SLC52A1: variants seen among roughly 807,000 people sequenced by gnomAD.
SLC52A1 encodes solute carrier family 52 member 1.
A neutral mutation model predicts 23.2 loss-of-function variants in SLC52A1; 20 were observed. The observed-to-expected ratio is 0.86, with a 90% CI of 0.61 to 1.25. The LOEUF is 1.25. Ranked by LOEUF, SLC52A1 falls within the 50% of genes most tolerant of loss-of-function variation. The probability of loss-of-function intolerance (pLI) is 0.00; values close to 1 mark genes in which losing one functional copy is unlikely to be tolerated. For synonymous variants in SLC52A1, 260 were observed against 256.6 expected, an observed-to-expected ratio of 1.01 and a Z score of -0.13; for missense variants, 528 against 557.0, an observed-to-expected ratio of 0.95 and a Z score of 0.52.
chr17:5,039,438 T>C (rs1975519166), upstream of SLC52A1, among the ~76,000 whole-genome samples: 1 of 152,030 alleles, frequency 6.6e-6, no homozygotes, highest in Admixed American at 6.6e-5. Flanking sequence ...ACGTAGGTGA[T>C]CACCTCACCC....
At chr17:5,036,040 C>T (rs1975447892), upstream of SLC52A1, among the ~76,000 whole-genome samples, 2 of 69,792 alleles carry the variant, frequency 2.9e-5, no homozygotes, top group Non-Finnish European at 5.3e-5. Flanking sequence ...TGTTTTTACA[C>T]TTTTTTTTTT....
At chr17:5,035,873 ATTTTTTTTTT>A (rs71149503), upstream of SLC52A1, among the ~76,000 whole-genome samples, 14 of 45,316 alleles carry the variant, frequency 3.1e-4, no homozygotes, top group East Asian at 2.1e-3. Flanking sequence ...TGTCCAGCTA[ATTTTTTTTTT>A]TTTTTTTTTT....
In SLC52A1 at chr17:5,033,128, C is replaced by T; in HGVS notation, c.1176G>A (p.Val392=). 5 of 1,613,882 alleles carry T rather than the reference C, an allele frequency of 3.1e-6. No homozygotes were observed. The highest frequency in any genetic ancestry group is 3.4e-6 in the Non-Finnish European group (4 of 1,180,026). ...GCAGCAGGGAGCTTGCAGCCACCTT[C>T]ACATATGAGAACACACACAGACACA... ...WVLCLCVFSY[V]KVAASSLLHG... is the part of the protein sequence containing the mutation. Residue 392 remains valine, a synonymous_variant, in exon 5 of 5, where the codon GTG becomes GTA. Transcript: ENST00000254853.
chr17:5,040,489 G>A (rs75224297), intron 1 of SLC52A1, among the ~76,000 whole-genome samples: 3,210 of 152,186 alleles, frequency 0.021, 108 homozygotes, highest in African/African-American at 0.069. Flanking sequence ...TTGTTCTTGC[G>A]TGGGGTGAGA....
chr17:5,033,912 C>T lies in SLC52A1; in HGVS notation c.577G>A (p.Ala193Thr). The T allele has an allele frequency of 1.9e-6, 3 of 1,614,194 alleles. No individual in the cohort carries two copies. The highest frequency in any genetic ancestry group is 4.5e-5 in the East Asian group (2 of 44,886). Residue 193 changes from alanine (A) to threonine (T), a missense_variant, in exon 3 of 5, where the codon GCC (alanine) becomes ACC (threonine). Coordinates refer to ENST00000254853, the MANE Select transcript of SLC52A1 (RefSeq NM_017986.4). The part of the protein sequence containing the change: ...PPLDFPERFP[A>T]STFFWALTAL... ...GTCAGTGCCCAGAAGAAGGTGCTGG[C>T]AGGAAAACGCTCAGGGAAGTCGAGG...
chr17:5,036,596 G>C (rs1975466350), upstream of SLC52A1, among the ~76,000 whole-genome samples: 1 of 150,422 alleles, frequency 6.6e-6, no homozygotes, highest in South Asian at 2.1e-4. Context: ...ATTTTTCGTA[G>C]AGATGGGGTT....
chr17:5,032,880 G>T lies in SLC52A1; in HGVS notation c.*77C>A. 2 of 1,367,784 alleles carry T rather than the reference G, an allele frequency of 1.5e-6. No individual in the cohort carries two copies. Among genetic ancestry groups the T allele is most frequent in the Non-Finnish European group, 2.0e-6 (2 of 976,796 alleles). The allele number at this position is 1,367,784 out of a possible 1,614,324, so 84.7% of individuals were successfully genotyped here. On this transcript the variant is annotated 3_prime_UTR_variant, in exon 5 of 5. Coordinates refer to ENST00000254853, the MANE Select transcript of SLC52A1 (RefSeq NM_017986.4). ...CCTGTGTTGGGGGAAGCCTGCCTGG[G>T]CCACAAGTAGTCAGGCACTGTGGCA... is the stretch of plus-strand genomic sequence containing the variant.
upstream of SLC52A1, among the ~76,000 whole-genome samples, chr17:5,037,245 C>G (rs577946159): frequency 6.6e-6 from 1 of 152,152 alleles, no homozygotes; most frequent in Non-Finnish European, 1.5e-5. Flanking sequence ...GTAGGCCAGG[C>G]GTGGTGGCTC....
Position 5,033,506 on chromosome 17 carries a change from C to T in SLC52A1, c.983G>A (p.Cys328Tyr), listed in dbSNP as rs772013660. ...GCACAGCACGCCCATGGCCAGGAAG[C>T]AGGCAAGGGGGTTGGCGGCACTGCC... ...VLGSAANPLA[C>Y]FLAMGVLCRS... Residue 328 changes from cysteine to tyrosine, a missense_variant, in exon 3 of 5, where the codon TGC becomes TAC. Cys to Tyr is a radical substitution (Grantham distance 194). Coordinates refer to ENST00000254853, the MANE Select transcript of SLC52A1 (RefSeq NM_017986.4). 1.2e-6 allele frequency: 2 copies of T among 1,612,180 alleles called. No individual in the cohort carries two copies. The highest frequency in any genetic ancestry group is 1.7e-6 in the Non-Finnish European group (2 of 1,179,096).
chr17:5,036,523 T>C (rs1317601103), upstream of SLC52A1, among the ~76,000 whole-genome samples: 6 of 146,560 alleles, frequency 4.1e-5, no homozygotes, highest in Admixed American at 7.0e-5. Context: ...GCCATTCTCC[T>C]GCCTCAGACT....
At chr17:5,035,856 A>G (rs561887419), upstream of SLC52A1, among the ~76,000 whole-genome samples, 27 of 134,454 alleles carry the variant, frequency 2.0e-4, no homozygotes, top group African/African-American at 7.0e-4. Context: ...ACAGGCGAGC[A>G]TCACCATGTC....
upstream of SLC52A1, among the ~76,000 whole-genome samples, chr17:5,037,950 A>C (rs1597880506): frequency 8.6e-6 from 1 of 115,762 alleles, no homozygotes; most frequent in Admixed American, 1.3e-4. Flanking sequence ...ACGGAGTCTC[A>C]CTGTGTCGCC....
Position 5,033,388 on chromosome 17 carries a change from T to C in SLC52A1, c.1011-4A>G. ...ACCAACCAGCCCTGCCAGGGACCTG[T>C]TGGGGATGAGCAGAGACTCAGGGCT... On this transcript the variant is annotated splice_region_variant and splice_polypyrimidine_tract_variant and intron_variant, in intron 3 of 4. Coordinates refer to ENST00000254853, the MANE Select transcript of SLC52A1 (RefSeq NM_017986.4). 1.2e-6 allele frequency: 2 copies of C among 1,611,726 alleles called. No individual in the cohort carries two copies. Among genetic ancestry groups the C allele is most frequent in the Non-Finnish European group, 1.7e-6 (2 of 1,178,764 alleles).
upstream of SLC52A1, among the ~76,000 whole-genome samples, chr17:5,038,874 C>T (rs900862255): frequency 1.3e-5 from 2 of 152,144 alleles, no homozygotes; most frequent in African/African-American, 4.8e-5. Context: ...AGGCGTGAGC[C>T]ACCGCGCCTG....
upstream of SLC52A1, among the ~76,000 whole-genome samples, chr17:5,037,184 A>G (rs116877022): frequency 8.5e-5 from 13 of 152,176 alleles, no homozygotes; most frequent in East Asian, 2.5e-3. Context: ...AAACAAAAGA[A>G]TCGTATTTCC....
upstream of SLC52A1, among the ~76,000 whole-genome samples, chr17:5,036,403 C>CTTTTT (rs34031349): frequency 6.8e-5 from 4 of 59,208 alleles, no homozygotes; most frequent in Non-Finnish European, 1.2e-4. Context: ...CTAATTTTTG[C>CTTTTT]TTTTTTTTTT....
At chr17:5,041,770 C>T (rs1188036482) in intron 1 of SLC52A1, among the ~76,000 whole-genome samples, 2 of 152,052 alleles carry the variant, frequency 1.3e-5, no homozygotes, top group Admixed American at 1.3e-4. Context: ...TGAGCCACCA[C>T]ACCCCAAAAT....
upstream of SLC52A1, among the ~76,000 whole-genome samples, chr17:5,039,762 G>T (rs1466308871): frequency 1.3e-5 from 2 of 152,160 alleles, no homozygotes; most frequent in Non-Finnish European, 1.5e-5. Context: ...ATGAGCCACC[G>T]CGCCCAGTCA....
chr17:5,041,075 G>A (rs1479316555), intron 1 of SLC52A1, among the ~76,000 whole-genome samples: 1 of 151,782 alleles, frequency 6.6e-6, no homozygotes, highest in South Asian at 2.1e-4. Context: ...GATTACAGGC[G>A]TGAGCCACCG....
Sources: allele counts gnomAD v4.1 joint callset (sites outside exome capture counted in the v4.1 genomes callset), GRCh38; gene constraint gnomAD v4.1.1; transcripts MANE v1.5; gene names NCBI Gene and HGNC (gene_info 2026-07-23, HGNC 2026-07-21).